TRPM4: variants seen among roughly 807,000 people sequenced by gnomAD.
The protein encoded by TRPM4 is calcium-activated non-selective cation channel 1.
In TRPM4, 124 loss-of-function variants were observed where a neutral mutation model predicts 135.6. The ratio of observed to expected loss-of-function variants is 0.91; its 90% CI spans 0.79 to 1.06. The LOEUF (loss-of-function observed/expected upper bound fraction) is 1.06. Among genes scored for constraint, TRPM4 ranks in the 50% least tolerant of loss-of-function variants. The pLI, the probability that TRPM4 is intolerant of heterozygous loss-of-function variation, is 0.00. For missense variants in TRPM4, 1,658 were observed against 1,671.4 expected (o/e 0.99, Z 0.14); for synonymous variants, 745 against 705.6 (o/e 1.06, Z -0.88).
In TRPM4 at chr19:49,172,099, C is replaced by T. The variant is rs1363006015; in HGVS notation, c.1141C>T (p.Leu381Phe). The change falls in exon 9 of 25, where the codon CTT becomes TTT. Residue 381 changes from leucine (L) to phenylalanine (F), a missense_variant. This residue lies in a region of TRPM4 where 1,412 missense variants were observed against 1,408.7 expected (regional missense o/e 1.00). Transcript: ENST00000252826. ...ATTCGAGACCATAGTTTTGAAGGCC[C>T]TTGTGAAGGGTAAAAGTTGTACCCT... ...EEFETIVLKA[L>F]VKACGSSEAS... 2 of 1,613,188 alleles carry T rather than the reference C, an allele frequency of 1.2e-6. No individual in the cohort carries two copies. The highest frequency in any genetic ancestry group is 2.2e-5 in the East Asian group (1 of 44,878).
chr19:49,210,326 C>A lies in TRPM4; in HGVS notation c.3249C>A (p.Ser1083=), dbSNP rs1160241982. 6.2e-7 allele frequency: 1 copy of A among 1,614,240 alleles called. No individual in the cohort carries two copies. Among genetic ancestry groups the A allele is most frequent in the East Asian group, 2.2e-5 (1 of 44,884 alleles). ...TGGCCCCGCCCTTTATCGTCATCTC[C>A]CACTTGCGCCTCCTGCTCAGGCAAT... The part of the protein sequence containing the change: ...PALAPPFIVI[S]HLRLLLRQLC... Residue 1083 remains serine (S), a synonymous_variant, in exon 21 of 25, where the codon TCC becomes TCA. Coordinates refer to ENST00000252826, the MANE Select transcript of TRPM4 (RefSeq NM_017636.4). This position sits in a 1 kb window ranked among gnomAD's most constrained non-coding sequence, Gnocchi z 4.1.
chr19:49,206,265 G>A (rs1969147671), intron 20 of TRPM4, among the ~76,000 whole-genome samples: 1 of 152,124 alleles, frequency 6.6e-6, no homozygotes, highest in Admixed American at 6.6e-5. Context: ...AGCCCACACA[G>A]TGTTGATTAC....
chr19:49,166,256 G>T lies in TRPM4; in HGVS notation c.267+41G>T, dbSNP rs374746745. On this transcript the variant is annotated intron_variant, in intron 3 of 24. Coordinates refer to ENST00000252826, the MANE Select transcript of TRPM4 (RefSeq NM_017636.4). Reference sequence around the variant, plus strand: ...GTGGGCGGGGCCCGGGCACCAGGGGGCTGCATGCTCGGGGCTCCAGAGTGG... The same window carrying T: ...GTGGGCGGGGCCCGGGCACCAGGGGTCTGCATGCTCGGGGCTCCAGAGTGG... The T allele has an allele frequency of 1.1e-5, 17 of 1,550,088 alleles. No homozygotes were observed. The African/African-American group carries it at 1.9e-4, about 17-fold the overall frequency.
chr19:49,166,188 C>A lies in TRPM4; in HGVS notation c.240C>A (p.Phe80Leu). 1 of 1,608,146 alleles carries A rather than the reference C, an allele frequency of 6.2e-7. No homozygotes were observed. The highest frequency in any genetic ancestry group is 8.5e-7 in the Non-Finnish European group (1 of 1,178,112). Residue 80 changes from phenylalanine (F) to leucine (L), a missense_variant, in exon 3 of 25, where the codon TTC (phenylalanine) becomes TTA (leucine). By Grantham distance (22) the Phe-to-Leu change is conservative. This residue lies in a region of TRPM4 where 239 missense variants were observed against 240.1 expected (regional missense o/e 1.00). Coordinates refer to ENST00000252826, the MANE Select transcript of TRPM4 (RefSeq NM_017636.4). ...CCGATGCCTACGGAGAGCTGGACTT[C>A]ACGGGGGCCGGCCGCAAGCACAGCA... ...KPTDAYGELD[F>L]TGAGRKHSNF...
At chr19:49,191,603 G>A (rs1309627940) in intron 16 of TRPM4, among the ~76,000 whole-genome samples, 4 of 152,132 alleles carry the variant, frequency 2.6e-5, no homozygotes, top group Admixed American at 6.5e-5. Flanking sequence ...GGGTTCAAGC[G>A]ATTCTCCTGC....
chr19:49,195,683 A>AT lies in TRPM4; in HGVS notation c.2211-738dup, dbSNP rs1293818542. Among the ~76,000 whole-genome samples the AT allele has an allele frequency of 5.5e-3, 702 of 127,118 alleles. 4 individuals are homozygous for AT. Among genetic ancestry groups the AT allele is most frequent in the South Asian group, 0.019 (76 of 3,964 alleles). The allele number at this position is 127,118 out of a possible 152,430, so 83.4% of individuals were successfully genotyped here. On this transcript the variant is annotated intron_variant, in intron 16 of 24. Transcript: ENST00000252826. ...GCGCGCCCAGCCCGTTTCTACTTTAATTTTTTTTTTTTTTTTTTTAGACAG... is the reference window on the plus strand; with the variant it reads ...GCGCGCCCAGCCCGTTTCTACTTTAATTTTTTTTTTTTTTTTTTTTAGACAG...
chr19:49,205,323 G>T (rs1466627894), intron 20 of TRPM4, among the ~76,000 whole-genome samples: 2 of 152,006 alleles, frequency 1.3e-5, no homozygotes, highest in Non-Finnish European at 2.9e-5. Context: ...TTGGCTTCTA[G>T]TTGCGTCATT....
intron 9 of TRPM4, among the ~76,000 whole-genome samples, chr19:49,180,428 CTGTGTGTGTGTGTGTGTGTGTGTGTG>C (rs71919979): frequency 3.8e-5 from 5 of 131,242 alleles, no homozygotes; most frequent in Non-Finnish European, 6.5e-5. Flanking sequence ...TCATCATCTG[CTGTGTGTGTGTGTGTGTGTGTGTGTG>C]TGTGTGTGTG....
chr19:49,183,040 G>A lies in TRPM4; in HGVS notation c.1609-38G>A, dbSNP rs202075105. On this transcript the variant is annotated intron_variant, in intron 11 of 24. Transcript: ENST00000252826. ...AGGGCTGGTGGTGGCCAGTGTTGGGGAGGGGCTGGTCCTCACCACCCCTCC... is the reference window on the plus strand; with the variant it reads ...AGGGCTGGTGGTGGCCAGTGTTGGGAAGGGGCTGGTCCTCACCACCCCTCC... 2,004 of 1,607,904 alleles carry A rather than the reference G, an allele frequency of 1.2e-3. 28 individuals are homozygous for A. The African/African-American group carries it at 0.024, about 19-fold the overall frequency.
Position 49,210,634 on chromosome 19 carries a change from C to G in TRPM4, c.3329-76C>G, listed in dbSNP as rs754177282. 20 of 1,608,514 alleles carry G rather than the reference C, an allele frequency of 1.2e-5. No individual in the cohort carries two copies. In the Middle Eastern group the frequency reaches 8.3e-4, roughly 66 times the overall value. ...CTGGGTCTGGGATAGCGTGCGTGTT[C>G]TGAGGGTGTCGGAAGGGGCAGCTGG... On this transcript the variant is annotated intron_variant, in intron 21 of 24. Coordinates refer to ENST00000252826, the MANE Select transcript of TRPM4 (RefSeq NM_017636.4). The surrounding 1 kb of genome is among the most constrained non-coding windows in gnomAD (Gnocchi z 4.1).
chr19:49,172,114 AG>A lies in TRPM4; in HGVS notation c.1150+7del. 6.2e-7 allele frequency: 1 copy of A among 1,606,276 alleles called. No individual in the cohort carries two copies. Among genetic ancestry groups the A allele is most frequent in the Non-Finnish European group, 8.5e-7 (1 of 1,172,912 alleles). On this transcript the variant is annotated splice_region_variant and intron_variant, in intron 9 of 24. Coordinates refer to ENST00000252826, the MANE Select transcript of TRPM4 (RefSeq NM_017636.4). ...TTTGAAGGCCCTTGTGAAGGGTAAA[AG>A]TTGTACCCTCCAGTCTTCCCCCTCT...
At position 49,210,833 on chromosome 19, in the gene TRPM4, C is replaced by T. The variant is rs1339715226; in HGVS notation, c.3452C>T (p.Thr1151Met). ...RESDSERLKR[T>M]SQKVDLALKQ... is the part of the protein sequence containing the mutation. ...AGCGACTCCGAGCGTCTGAAGCGCA[C>T]GTCCCAGAAGTGAGAGCGGGGCCTG... Residue 1151 changes from threonine to methionine, a missense_variant, in exon 22 of 25, where the codon ACG becomes ATG. Physicochemically the swap from Thr to Met is moderately conservative, Grantham distance 81. Around this residue, in one of 3 missense-constraint regions of TRPM4, gnomAD observed 1,412 missense variants for 1,408.7 expected, o/e 1.00. Coordinates refer to ENST00000252826, the MANE Select transcript of TRPM4 (RefSeq NM_017636.4). This position sits in a 1 kb window ranked among gnomAD's most constrained non-coding sequence, Gnocchi z 4.1. The T allele has an allele frequency of 6.2e-7, 1 of 1,611,346 alleles. No homozygotes were observed. Among genetic ancestry groups the T allele is most frequent in the Non-Finnish European group, 8.5e-7 (1 of 1,179,138 alleles).
In TRPM4 at chr19:49,196,562, C is replaced by G. The variant is rs1465420468; in HGVS notation, c.2333C>G (p.Ala778Gly). ...CGCCGCTGGTTCCACTTCTGGGGCG[C>G]GCCGGTGACCATCTTCATGGGCAAC... ...CLRRWFHFWG[A>G]PVTIFMGNVV... The change falls in exon 17 of 25, where the codon GCG becomes GGG. Residue 778 changes from alanine to glycine, a missense_variant. By Grantham distance (60) the Ala-to-Gly change is moderately conservative. Around this residue, in one of 3 missense-constraint regions of TRPM4, gnomAD observed 1,412 missense variants for 1,408.7 expected, o/e 1.00. Coordinates refer to ENST00000252826, the MANE Select transcript of TRPM4 (RefSeq NM_017636.4). The G allele has an allele frequency of 1.3e-6, 2 of 1,554,670 alleles. No homozygotes were observed. Among genetic ancestry groups the G allele is most frequent in the South Asian group, 1.2e-5 (1 of 84,784 alleles).
Position 49,163,025 on chromosome 19 carries a change from G to A in TRPM4, c.93-3016G>A, listed in dbSNP as rs186271206. On this transcript the variant is annotated intron_variant, in intron 2 of 24. Coordinates refer to ENST00000252826, the MANE Select transcript of TRPM4 (RefSeq NM_017636.4). ...GATCCGCCCACCTTGGCCTCCCTAA[G>A]TTCTGGGATTACAGGCATGAACCAC... is the stretch of plus-strand genomic sequence containing the variant. Among the ~76,000 whole-genome samples the A allele has an allele frequency of 1.3e-4, 19 of 151,914 alleles. No individual in the cohort carries two copies. In the East Asian group the frequency reaches 2.9e-3, roughly 23 times the overall value.
chr19:49,168,222 C>T, intron 4 of TRPM4, 38 bp from the exon 5 acceptor site: 1 of 1,613,592 alleles, frequency 6.2e-7, no homozygotes, highest in African/African-American at 1.3e-5. Context: ...CTTTGTTTCT[C>T]TCCCCCTGCC....
At position 49,201,000 on chromosome 19, in the gene TRPM4, C is replaced by CT. The variant is rs771981417; in HGVS notation, c.2953+226dup. Among the ~76,000 whole-genome samples, 9,448 of 140,706 alleles carry CT rather than the reference C, an allele frequency of 0.067. 369 individuals carry two copies. The highest frequency in any genetic ancestry group is 0.18 in the South Asian group (814 of 4,436). The allele number at this position is 140,706 out of a possible 152,430, so 92.3% of individuals were successfully genotyped here. A position where few individuals can be genotyped will look rare whatever the true frequency, so the allele number is the denominator to read the frequency against. ...GTCTTTCTGTCTGTCTTTCTTTTTT[C>CT]TTTTTTTTTTTCTTTTTTTTTGAGA... On this transcript the variant is annotated intron_variant, in intron 19 of 24. Transcript: ENST00000252826.
In TRPM4 at chr19:49,171,760, G is replaced by T. The variant is rs61732831; in HGVS notation, c.1041G>T (p.Leu347=). The change falls in exon 8 of 25, where the codon CTG becomes CTT. Residue 347 remains leucine (L), a synonymous_variant. Coordinates refer to ENST00000252826, the MANE Select transcript of TRPM4 (RefSeq NM_017636.4). This position sits in a 1 kb window ranked among gnomAD's most constrained non-coding sequence, Gnocchi z 4.7. ...RFFPKGDLEV[L]QAQVERIMTR... Reference sequence around the variant, plus strand: ...TTCCCAAAGGGGACCTTGAGGTCCTGCAGGCCCAGGTATGACACTGGGGGC... The same window carrying T: ...TTCCCAAAGGGGACCTTGAGGTCCTTCAGGCCCAGGTATGACACTGGGGGC... 0.043 allele frequency: 68,974 copies of T among 1,609,608 alleles called. 1,769 individuals carry two copies. The highest frequency in any genetic ancestry group is 0.12 in the East Asian group (5,399 of 44,854).
chr19:49,185,714 T>C (rs1429692203), intron 12 of TRPM4, among the ~76,000 whole-genome samples: 3 of 152,114 alleles, frequency 2.0e-5, no homozygotes, highest in East Asian at 3.9e-4. Context: ...TTGTGGGTCA[T>C]TGTTGTTTGT....
chr19:49,172,067 C>T lies in TRPM4; in HGVS notation c.1109C>T (p.Ser370Phe), dbSNP rs1246784363. ...ACAGTCTATTCTTCTGAGGATGGGT[C>T]TGAGGAATTCGAGACCATAGTTTTG... is the stretch of plus-strand genomic sequence containing the variant. ...LLTVYSSEDG[S>F]EEFETIVLKA... Residue 370 changes from serine (S) to phenylalanine (F), a missense_variant, in exon 9 of 25, where the codon TCT becomes TTT. Coordinates refer to ENST00000252826, the MANE Select transcript of TRPM4 (RefSeq NM_017636.4). 6.2e-7 allele frequency: 1 copy of T among 1,614,040 alleles called. No homozygotes were observed. The highest frequency in any genetic ancestry group is 1.7e-5 in the Admixed American group (1 of 60,020).
Sources: gnomAD v4.1 joint callset for allele counts (sites outside exome capture counted in the v4.1 genomes callset) on GRCh38, gnomAD v4.1.1 for gene constraint, gnomAD v4.1.1 regional missense constraint, Gnocchi (gnomAD v3.1) non-coding constraint, MANE v1.5 for transcripts, NCBI Gene and HGNC (gene_info 2026-07-23, HGNC 2026-07-21) for gene names.